Variants in RANBP17 observed in about 807,000 individuals in gnomAD.
RANBP17 encodes ran-binding protein 17.
In RANBP17, 158 loss-of-function variants were observed where a neutral mutation model predicts 141.2. The ratio of observed to expected loss-of-function variants is 1.12; its 90% CI spans 0.98 to 1.28. RANBP17 has a LOEUF of 1.28. RANBP17 is among the 50% of genes most tolerant of loss of function. RANBP17 has a pLI of 0.00. For missense variants in RANBP17, 1,438 were observed against 1,290.7 expected (o/e 1.11, Z -1.75); for synonymous variants, 430 against 450.0 (o/e 0.96, Z 0.56).
At chr5:171,189,918 T>C (rs1581825955) in intron 18 of RANBP17, among the ~76,000 whole-genome samples, 1 of 152,080 alleles carries the variant, frequency 6.6e-6, no homozygotes, top group South Asian at 2.1e-4. Context: ...AAGAGCAGCA[T>C]AGATTCATAT....
chr5:171,189,934 A>G (rs1015000344), intron 18 of RANBP17, among the ~76,000 whole-genome samples: 1 of 152,304 alleles, frequency 6.6e-6, no homozygotes, highest in South Asian at 2.1e-4. Flanking sequence ...CATATATTAA[A>G]TGAAAAAAAT....
intron 14 of RANBP17, among the ~76,000 whole-genome samples, chr5:170,968,925 A>G (rs1475198732): frequency 6.6e-6 from 1 of 151,850 alleles, no homozygotes; most frequent in Non-Finnish European, 1.5e-5. Context: ...AAGATTATTA[A>G]GGGCATTTAT....
chr5:170,934,074 C>T (rs922809551), intron 12 of RANBP17, among the ~76,000 whole-genome samples: 6 of 152,222 alleles, frequency 3.9e-5, no homozygotes, highest in East Asian at 1.9e-4. Flanking sequence ...TCTCTCAGGA[C>T]GTGCTTTATG....
intron 13 of RANBP17, among the ~76,000 whole-genome samples, chr5:170,954,850 A>T (rs530386401): frequency 6.6e-6 from 1 of 152,134 alleles, no homozygotes; most frequent in Admixed American, 6.6e-5. Flanking sequence ...AAAAGGACCA[A>T]TGTATCCTCT....
chr5:171,063,013 G>A (rs1784010949), intron 14 of RANBP17, among the ~76,000 whole-genome samples: 1 of 150,846 alleles, frequency 6.6e-6, no homozygotes, highest in Non-Finnish European at 1.5e-5. Flanking sequence ...AGCTCCATCA[G>A]CTCCTTTAAG....
In RANBP17 at chr5:170,885,363, C is replaced by A. The variant is rs192988827; in HGVS notation, c.256+3467C>A. 1.2e-3 allele frequency among the ~76,000 whole-genome samples: 185 copies of A among 152,132 alleles called. 2 individuals are homozygous for A. The highest frequency in any genetic ancestry group is 0.012 in the Admixed American group (184 of 15,256). ...GGGGTAATATCATCCATTTCAGTTC[C>A]CTAGGTTTGGCATAGGAGATAGTGA... On this transcript the variant is annotated intron_variant, in intron 3 of 27. Transcript: ENST00000523189.
intron 22 of RANBP17, among the ~76,000 whole-genome samples, chr5:171,224,270 C>A (rs1763756666): frequency 1.3e-5 from 2 of 152,330 alleles, no homozygotes; most frequent in East Asian, 3.9e-4. Flanking sequence ...GTATAAGAAT[C>A]TCTTAGTAAT....
intron 3 of RANBP17, among the ~76,000 whole-genome samples, chr5:170,890,644 C>G (rs1769519077): frequency 6.6e-6 from 1 of 152,084 alleles, no homozygotes; most frequent in Non-Finnish European, 1.5e-5. Flanking sequence ...CCTTTCAGGC[C>G]AAAGTGGAAA....
intron 13 of RANBP17, among the ~76,000 whole-genome samples, chr5:170,958,592 G>A (rs531641877): frequency 2.0e-5 from 3 of 152,178 alleles, no homozygotes; most frequent in East Asian, 1.9e-4. Flanking sequence ...TTCATATGAA[G>A]ATGTTCCAAA....
chr5:171,261,348 C>G (rs956208322), intron 24 of RANBP17, among the ~76,000 whole-genome samples: 1 of 152,098 alleles, frequency 6.6e-6, no homozygotes, highest in Non-Finnish European at 1.5e-5. Flanking sequence ...CTAGACTCAC[C>G]TATTTCCAAA....
At chr5:171,194,379 C>A (rs1274614454) in intron 18 of RANBP17, among the ~76,000 whole-genome samples, 1 of 152,142 alleles carries the variant, frequency 6.6e-6, no homozygotes, top group African/African-American at 2.4e-5. Flanking sequence ...CTCCCCTCCC[C>A]CAAACCCTGG....
intron 14 of RANBP17, among the ~76,000 whole-genome samples, chr5:171,019,949 G>A (rs762590990): frequency 8.5e-5 from 13 of 152,092 alleles, no homozygotes; most frequent in Admixed American, 3.9e-4. Context: ...CTTTAGCTGC[G>A]TCCCAGAGAT....
At chr5:171,126,239 TAAA>T (rs778660210) in intron 14 of RANBP17, among the ~76,000 whole-genome samples, 73 of 152,036 alleles carry the variant, frequency 4.8e-4, no homozygotes, top group Non-Finnish European at 1.0e-3. Context: ...AGTGGATAAA[TAAA>T]GAAGGAAATT....
At chr5:171,176,244 AT>A (rs1169784257) in intron 16 of RANBP17, among the ~76,000 whole-genome samples, 3 of 152,146 alleles carry the variant, frequency 2.0e-5, no homozygotes, top group Non-Finnish European at 4.4e-5. Context: ...TCTATTTTCT[AT>A]CAAAGTCACT....
intron 14 of RANBP17, among the ~76,000 whole-genome samples, chr5:171,013,424 G>A (rs1001192340): frequency 1.3e-5 from 2 of 152,004 alleles, no homozygotes; most frequent in African/African-American, 4.8e-5. Flanking sequence ...TGTACCACTT[G>A]TCTCCATGCC....
intron 24 of RANBP17, among the ~76,000 whole-genome samples, chr5:171,262,400 A>G (rs1319983463): frequency 6.6e-6 from 1 of 152,208 alleles, no homozygotes; most frequent in Non-Finnish European, 1.5e-5. Flanking sequence ...CCTTTTCTAC[A>G]AAGTAACCCA....
intron 15 of RANBP17, 125 bp downstream of exon 15, chr5:171,170,328 TTAGAA>T: frequency 2.2e-6 from 1 of 455,000 alleles, no homozygotes; most frequent in East Asian, 3.5e-5. Context: ...TTATGCTTTG[TTAGAA>T]TGTTAGCATT....
chr5:171,254,246 C>CA (rs36093805), intron 24 of RANBP17, among the ~76,000 whole-genome samples: 2,282 of 114,990 alleles, frequency 0.02, 56 homozygotes, highest in African/African-American at 0.06. Flanking sequence ...GACTCTGTCT[C>CA]AAAAAAAAAA....
At chr5:170,920,485 C>T (rs1419705820) in intron 11 of RANBP17, among the ~76,000 whole-genome samples, 2 of 148,318 alleles carry the variant, frequency 1.3e-5, no homozygotes, top group Non-Finnish European at 3.0e-5. Context: ...ATCCATTTCC[C>T]ATTTTTTAAT....
Sources: gnomAD v4.1 joint callset for allele counts (sites outside exome capture counted in the v4.1 genomes callset) on GRCh38, gnomAD v4.1.1 for gene constraint, MANE v1.5 for transcripts, NCBI Gene and HGNC (gene_info 2026-07-23, HGNC 2026-07-21) for gene names.